The following ARHGAP24 variants were observed in gnomAD, a reference collection of about 807,000 sequenced individuals.
ARHGAP24 encodes rho GTPase-activating protein 24.
Under a neutral mutation model 76.4 loss-of-function variants are expected in ARHGAP24, and 50 were observed. The observed-to-expected ratio is 0.65, with a 90% confidence interval of 0.52 to 0.83. The LOEUF is 0.83. ARHGAP24 is among the 40% of genes least tolerant of loss of function. The probability of loss-of-function intolerance (pLI) is 0.00; values close to 1 mark genes in which losing one functional copy is unlikely to be tolerated. For synonymous variants in ARHGAP24, 345 were observed against 323.3 expected, an observed-to-expected ratio of 1.07 and a Z score of -0.72; for missense variants, 930 against 914.2, an observed-to-expected ratio of 1.02 and a Z score of -0.22.
At chr4:85,569,659 C>G (rs777884050) in intron 1 of ARHGAP24, among the ~76,000 whole-genome samples, 22 of 152,156 alleles carry the variant, frequency 1.4e-4, no homozygotes, top group Non-Finnish European at 2.8e-4. Context: ...AAGGAAAAAA[C>G]TATAGAAAAA....
intron 5 of ARHGAP24, among the ~76,000 whole-genome samples, chr4:85,964,467 A>T (rs1738452767): frequency 6.6e-6 from 1 of 152,148 alleles, no homozygotes; most frequent in Non-Finnish European, 1.5e-5. Flanking sequence ...AGTGGAACTC[A>T]TGGATTAATA....
chr4:85,781,809 G>A (rs1167306093), intron 3 of ARHGAP24, among the ~76,000 whole-genome samples: 2 of 152,030 alleles, frequency 1.3e-5, no homozygotes, highest in Non-Finnish European at 1.5e-5. Flanking sequence ...CAAGGCGGAC[G>A]AATCACTTGA....
At chr4:85,689,147 A>G (rs1723538629) in intron 2 of ARHGAP24, among the ~76,000 whole-genome samples, 1 of 152,220 alleles carries the variant, frequency 6.6e-6, no homozygotes, top group South Asian at 2.1e-4. Context: ...CAGTATGGCC[A>G]TTTTAATGAT....
chr4:85,627,968 C>T (rs1272669536), intron 2 of ARHGAP24, among the ~76,000 whole-genome samples: 1 of 152,152 alleles, frequency 6.6e-6, no homozygotes, highest in Non-Finnish European at 1.5e-5. Context: ...TTCCAGGTGC[C>T]GTCTATCACC....
intron 3 of ARHGAP24, among the ~76,000 whole-genome samples, chr4:85,911,039 G>A (rs916609546): frequency 6.6e-6 from 1 of 152,190 alleles, no homozygotes; most frequent in Non-Finnish European, 1.5e-5. Flanking sequence ...GCATTTCCGA[G>A]CCTGTGAGGG....
Position 86,001,071 on chromosome 4 carries a change from C to G in ARHGAP24, c.*349C>G. 1 of 437,418 alleles carries G rather than the reference C, an allele frequency of 2.3e-6. No homozygotes were observed. The highest frequency in any genetic ancestry group is 4.0e-6 in the Non-Finnish European group (1 of 249,916). The allele number at this position is 437,418 out of a possible 1,614,324, so 27.1% of individuals were successfully genotyped here. Reference sequence around the variant, plus strand: ...TTTAGCTTGCTTTCAAGCTTCACCCCTTGCACTTAACATAAGCTATTTTTG... The same window carrying G: ...TTTAGCTTGCTTTCAAGCTTCACCCGTTGCACTTAACATAAGCTATTTTTG... On this transcript the variant is annotated 3_prime_UTR_variant, in exon 10 of 10. Coordinates refer to ENST00000395184, the MANE Select transcript of ARHGAP24 (RefSeq NM_001025616.3).
At chr4:85,661,326 T>A (rs2109992149) in intron 2 of ARHGAP24, among the ~76,000 whole-genome samples, 1 of 152,288 alleles carries the variant, frequency 6.6e-6, no homozygotes, top group Non-Finnish European at 1.5e-5. Flanking sequence ...TTTCCAGCAT[T>A]ATTCTGGTTT....
chr4:85,623,568 A>T (rs960561821), intron 2 of ARHGAP24, among the ~76,000 whole-genome samples: 3 of 152,130 alleles, frequency 2.0e-5, no homozygotes, highest in Non-Finnish European at 4.4e-5. Flanking sequence ...TGACTTTGTG[A>T]TGCGGGCTCT....
chr4:85,838,085 C>G (rs1560662180), intron 3 of ARHGAP24, among the ~76,000 whole-genome samples: 2 of 152,184 alleles, frequency 1.3e-5, no homozygotes, highest in African/African-American at 4.8e-5. Context: ...CAGCCACTCT[C>G]CTAAGCATCT....
chr4:85,722,882 A>G (rs545970910), intron 3 of ARHGAP24, among the ~76,000 whole-genome samples: 1 of 152,310 alleles, frequency 6.6e-6, no homozygotes, highest in African/African-American at 2.4e-5. Flanking sequence ...CTATATTTAT[A>G]TTAAATGCTG....
At chr4:85,830,880 G>A (rs767727024) in intron 3 of ARHGAP24, among the ~76,000 whole-genome samples, 5 of 152,052 alleles carry the variant, frequency 3.3e-5, no homozygotes, top group Non-Finnish European at 7.4e-5. Context: ...GTGATTCTCC[G>A]TTGGAAACAG....
chr4:85,720,898 C>T (rs343865), intron 2 of ARHGAP24, among the ~76,000 whole-genome samples: 146,046 of 152,262 alleles, frequency 0.96, 70,350 homozygotes, highest in East Asian at 1. Flanking sequence ...TTATCAAACA[C>T]GCAGCTTGTG....
chr4:85,664,023 G>T (rs1021656798), intron 2 of ARHGAP24, among the ~76,000 whole-genome samples: 1 of 151,342 alleles, frequency 6.6e-6, no homozygotes, highest in Admixed American at 6.6e-5. Flanking sequence ...TCAGGATGAT[G>T]CTGGCCTCAT....
At chr4:85,733,690 C>A (rs1370463531) in intron 3 of ARHGAP24, among the ~76,000 whole-genome samples, 4 of 152,134 alleles carry the variant, frequency 2.6e-5, no homozygotes, top group Non-Finnish European at 5.9e-5. Context: ...AGGGCTCTCT[C>A]CTTGGTTCAT....
At chr4:85,663,744 G>A (rs1230378875) in intron 2 of ARHGAP24, among the ~76,000 whole-genome samples, 2 of 151,778 alleles carry the variant, frequency 1.3e-5, no homozygotes, top group African/African-American at 4.9e-5. Flanking sequence ...GTTGAATTTT[G>A]TCAAAGGCTT....
At chr4:85,709,406 C>A (rs919456047) in intron 2 of ARHGAP24, among the ~76,000 whole-genome samples, 2 of 151,842 alleles carry the variant, frequency 1.3e-5, no homozygotes, top group Non-Finnish European at 2.9e-5. Context: ...AATGTAACAC[C>A]CATTCCTGAT....
intron 2 of ARHGAP24, among the ~76,000 whole-genome samples, chr4:85,631,964 T>A (rs1721172022): frequency 6.6e-6 from 1 of 152,094 alleles, no homozygotes; most frequent in Non-Finnish European, 1.5e-5. Flanking sequence ...TACATCTACA[T>A]GTTAAATAGT....
chr4:85,990,310 C>G (rs1740247459), intron 8 of ARHGAP24: 2 of 151,624 alleles, frequency 1.3e-5, no homozygotes, highest in Non-Finnish European at 3.0e-5. Context: ...GAAATATACC[C>G]TGCTCATGTA....
chr4:85,790,271 T>C (rs1020983973), intron 3 of ARHGAP24, among the ~76,000 whole-genome samples: 1 of 152,176 alleles, frequency 6.6e-6, no homozygotes, highest in Non-Finnish European at 1.5e-5. Context: ...GCATCCCATG[T>C]AGCACACAAA....
Sources: gnomAD v4.1 joint callset for allele counts (sites outside exome capture counted in the v4.1 genomes callset) on GRCh38, gnomAD v4.1.1 for gene constraint, MANE v1.5 for transcripts, NCBI Gene and HGNC (gene_info 2026-07-23, HGNC 2026-07-21) for gene names.